Variants in UNC13C observed in about 807,000 individuals in gnomAD.
UNC13C encodes the protein unc-13 homolog C.
A neutral mutation model predicts 245.4 loss-of-function variants in UNC13C; 174 were observed. That is an observed-to-expected ratio of 0.71 (90% CI 0.63 to 0.80). The LOEUF is 0.80. Ranked by LOEUF, UNC13C falls within the 30% of genes least tolerant of loss-of-function variation. UNC13C has a pLI of 0.00. For missense variants in UNC13C, 2,829 were observed against 2,602.9 expected (o/e 1.09, Z -1.89); for synonymous variants, 992 against 895.1 (o/e 1.11, Z -1.93).
intron 2 of UNC13C, among the ~76,000 whole-genome samples, chr15:54,037,881 C>A (rs2141027644): frequency 6.9e-6 from 1 of 145,714 alleles, no homozygotes; most frequent in South Asian, 2.2e-4. Flanking sequence ...TAAAATTTAG[C>A]AAATATATGG....
At chr15:54,404,247 A>G (rs1596330739) in intron 18 of UNC13C, among the ~76,000 whole-genome samples, 1 of 152,220 alleles carries the variant, frequency 6.6e-6, no homozygotes, top group Non-Finnish European at 1.5e-5. Flanking sequence ...CAAACTTTGC[A>G]TATCAAAATA....
At chr15:53,989,248 T>C (rs1566934216) in intron 1 of UNC13C, among the ~76,000 whole-genome samples, 1 of 151,790 alleles carries the variant, frequency 6.6e-6, no homozygotes, top group Non-Finnish European at 1.5e-5. Flanking sequence ...ATTGCATTTA[T>C]CGATGAAGGC....
intron 4 of UNC13C, among the ~76,000 whole-genome samples, chr15:54,200,833 A>G (rs1267896291): frequency 6.6e-6 from 1 of 152,078 alleles, no homozygotes; most frequent in Admixed American, 6.6e-5. Context: ...AGCAGAACTA[A>G]ATGAAACTGA....
intron 30 of UNC13C, among the ~76,000 whole-genome samples, chr15:54,575,541 T>C (rs376653840): frequency 5.9e-5 from 9 of 151,764 alleles, no homozygotes; most frequent in East Asian, 3.9e-4. Context: ...TAATATTTCA[T>C]TGGCAGAAAA....
In UNC13C at chr15:54,131,364, T is replaced by C. The variant is rs542333523; in HGVS notation, c.2984-11654T>C. Among the ~76,000 whole-genome samples, 7 of 152,310 alleles carry C rather than the reference T, an allele frequency of 4.6e-5. No homozygotes were observed. In the East Asian group the frequency reaches 1.4e-3, roughly 29 times the overall value. ...GTGTGATTCCACATTGCGATTAGGA[T>C]ATAATTTATATTCCTTAATACAGTA... On this transcript the variant is annotated intron_variant, in intron 2 of 32. Transcript: ENST00000260323.
chr15:54,090,760 G>A (rs1015040719), intron 2 of UNC13C, among the ~76,000 whole-genome samples: 1 of 152,146 alleles, frequency 6.6e-6, no homozygotes, highest in South Asian at 2.1e-4. Context: ...TTTCTGGAGA[G>A]ACTCTCAGCC....
chr15:54,546,795 C>G lies in UNC13C; in HGVS notation c.5770C>G (p.Leu1924Val), dbSNP rs770834015. 23 of 1,571,272 alleles carry G rather than the reference C, an allele frequency of 1.5e-5. No individual in the cohort carries two copies. In the East Asian group the frequency reaches 4.8e-4, roughly 33 times the overall value. ...RVLKELWKLVLNKIEKQIVLP... is the reference protein window; with the variant it reads ...RVLKELWKLVVNKIEKQIVLP... The stretch of plus-strand genomic sequence containing the variant: ...TTTAAAAGAGTTATGGAAGCTAGTT[C>G]TCAACAAAATAGAAAAACAAATTGT... The change falls in exon 27 of 33, where the codon CTC becomes GTC. Residue 1924 changes from leucine to valine, a missense_variant. Leu to Val is a conservative substitution (Grantham distance 32). Transcript: ENST00000260323.
At chr15:54,281,615 G>T (rs1286542509) in intron 10 of UNC13C, among the ~76,000 whole-genome samples, 1 of 152,108 alleles carries the variant, frequency 6.6e-6, no homozygotes, top group Non-Finnish European at 1.5e-5. Flanking sequence ...AGTCAAATAC[G>T]AAGTTGAAAA....
the UNC13C span, among the ~76,000 whole-genome samples, chr15:53,931,801 C>T: frequency 6.6e-6 from 1 of 152,074 alleles, no homozygotes; most frequent in African/African-American, 2.4e-5. Context: ...ATGCCTAATG[C>T]CACATATAGA....
intron 4 of UNC13C, among the ~76,000 whole-genome samples, chr15:54,193,741 A>G (rs1283343201): frequency 6.6e-6 from 1 of 152,178 alleles, no homozygotes; most frequent in African/African-American, 2.4e-5. Flanking sequence ...CTATAAGGCC[A>G]TCTCTTAAGA....
At chr15:54,609,885 G>A (rs1297944333) in intron 30 of UNC13C, among the ~76,000 whole-genome samples, 1 of 152,146 alleles carries the variant, frequency 6.6e-6, no homozygotes, top group Non-Finnish European at 1.5e-5. Flanking sequence ...TCTTCACATG[G>A]TGACAGGAAA....
intron 2 of UNC13C, among the ~76,000 whole-genome samples, chr15:54,039,790 A>G (rs951828076): frequency 6.6e-6 from 1 of 151,768 alleles, no homozygotes; most frequent in Non-Finnish European, 1.5e-5. Context: ...GGTGTCTAGA[A>G]TCTGATGACT....
Position 54,404,540 on chromosome 15 carries a change from T to G in UNC13C, c.4848-10442T>G, listed in dbSNP as rs186236694. 3.9e-3 allele frequency among the ~76,000 whole-genome samples: 593 copies of G among 152,264 alleles called. 1 individual carries two copies. Among genetic ancestry groups the G allele is most frequent in the Non-Finnish European group, 5.0e-3 (337 of 67,958 alleles). ...TTTATGATGGTAGATTAAGTTAAGC[T>G]ATGACTGCATTGAAAATGAAGAAGA... On this transcript the variant is annotated intron_variant, in intron 18 of 32. Transcript: ENST00000260323.
the UNC13C span, among the ~76,000 whole-genome samples, chr15:53,908,752 C>CAAAAAA: frequency 2.6e-4 from 23 of 88,122 alleles, 2 homozygotes; most frequent in East Asian, 1.5e-3. Context: ...AACCTTTCTC[C>CAAAAAA]AAAAAAAAAA....
intron 4 of UNC13C, among the ~76,000 whole-genome samples, chr15:54,228,775 A>G (rs2035466623): frequency 6.6e-6 from 1 of 152,132 alleles, no homozygotes; most frequent in South Asian, 2.1e-4. Flanking sequence ...TTCCTCAAGA[A>G]AAGGGAAAGT....
At chr15:54,291,425 C>A (rs1462202025) in intron 10 of UNC13C, among the ~76,000 whole-genome samples, 7 of 151,822 alleles carry the variant, frequency 4.6e-5, no homozygotes, top group Admixed American at 3.9e-4. Flanking sequence ...ATTTTTTCTT[C>A]AAATGTAAAA....
At chr15:54,323,872 C>T (rs1596220622) in intron 14 of UNC13C, among the ~76,000 whole-genome samples, 1 of 152,010 alleles carries the variant, frequency 6.6e-6, no homozygotes. Context: ...CATCATGGAA[C>T]ATTGAGCCTT....
the UNC13C span, among the ~76,000 whole-genome samples, chr15:53,915,739 T>C: frequency 6.6e-6 from 1 of 152,198 alleles, no homozygotes; most frequent in Non-Finnish European, 1.5e-5. Flanking sequence ...ATTTTAAAAG[T>C]CTATAAACCA....
intron 30 of UNC13C, among the ~76,000 whole-genome samples, chr15:54,584,740 C>T (rs766505003): frequency 2.6e-5 from 4 of 152,210 alleles, no homozygotes; most frequent in Non-Finnish European, 5.9e-5. Context: ...GCAGAGCACA[C>T]CTGTAATATT....
Sources: allele counts gnomAD v4.1 joint callset (sites outside exome capture counted in the v4.1 genomes callset), GRCh38; gene constraint gnomAD v4.1.1; transcripts MANE v1.5; gene names NCBI Gene and HGNC (gene_info 2026-07-23, HGNC 2026-07-21).